The following CCDC91 variants were observed in gnomAD, a reference collection of about 807,000 sequenced individuals.
CCDC91 encodes the protein coiled-coil domain containing 91.
In CCDC91, 48 loss-of-function variants were observed where a neutral mutation model predicts 63.2. The ratio of observed to expected loss-of-function variants is 0.76; its 90% CI spans 0.60 to 0.97. The LOEUF (loss-of-function observed/expected upper bound fraction) is 0.97, where lower values mean the gene tolerates loss of function less well. Among genes scored for constraint, CCDC91 ranks in the 50% least tolerant of loss-of-function variants. The pLI, the probability that CCDC91 is intolerant of heterozygous loss-of-function variation, is 0.00. For synonymous variants in CCDC91, 167 were observed against 165.8 expected (o/e 1.01, Z -0.06); for missense variants, 500 against 494.6 (o/e 1.01, Z -0.10).
chr12:28,232,051 A>G (rs1335361918), intron 1 of CCDC91, among the ~76,000 whole-genome samples: 3 of 152,206 alleles, frequency 2.0e-5, no homozygotes. Context: ...ATACACTGCC[A>G]GGTACATTGA....
intron 8 of CCDC91, among the ~76,000 whole-genome samples, chr12:28,415,931 G>T (rs1456204138): frequency 6.6e-6 from 1 of 151,138 alleles, no homozygotes; most frequent in Non-Finnish European, 1.5e-5. Flanking sequence ...AAATGTAATT[G>T]TCAGGCTGTG....
At chr12:28,351,283 T>G (rs1238261757) in intron 6 of CCDC91, among the ~76,000 whole-genome samples, 2 of 152,166 alleles carry the variant, frequency 1.3e-5, no homozygotes, top group African/African-American at 4.8e-5. Context: ...AATACAATGG[T>G]GGTACAGGCA....
Position 28,487,008 on chromosome 12 carries a change from A to T in CCDC91, c.1215+2843A>T, listed in dbSNP as rs77111505. ...TCATCTTTACCACATTATTTACAGA[A>T]AGTAGAAATAACTAGCAGCATTATT... On this transcript the variant is annotated intron_variant, in intron 12 of 12. Coordinates refer to ENST00000536442, the MANE Select transcript of CCDC91 (RefSeq NM_018318.5). Among the ~76,000 whole-genome samples the T allele has an allele frequency of 2.0e-3, 303 of 152,130 alleles. 1 individual carries two copies. Among genetic ancestry groups the T allele is most frequent in the African/African-American group, 7.0e-3 (289 of 41,562 alleles).
Position 28,316,833 on chromosome 12 carries a change from T to C in CCDC91, c.576+9084T>C, listed in dbSNP as rs1025392845. Among the ~76,000 whole-genome samples the C allele has an allele frequency of 2.5e-4, 38 of 152,076 alleles. 1 individual carries two copies. The highest frequency in any genetic ancestry group is 8.7e-4 in the African/African-American group (36 of 41,522). On this transcript the variant is annotated intron_variant, in intron 6 of 12. Transcript: ENST00000536442. The stretch of plus-strand genomic sequence containing the variant: ...TCATTTACTTCTTCCACTTTTATCT[T>C]GACCCTCTCTTTCTTCTCTCTCTAT...
intron 12 of CCDC91, among the ~76,000 whole-genome samples, chr12:28,486,521 C>T (rs1406538772): frequency 2.0e-5 from 3 of 151,932 alleles, no homozygotes; most frequent in Non-Finnish European, 2.9e-5. Context: ...ACTAACATTT[C>T]TTTGGTTGAG....
chr12:28,361,780 T>C (rs1943904412), intron 6 of CCDC91, among the ~76,000 whole-genome samples: 1 of 151,594 alleles, frequency 6.6e-6, no homozygotes, highest in Non-Finnish European at 1.5e-5. Flanking sequence ...AACTCTTACA[T>C]ACATTTTAAA....
intron 1 of CCDC91, among the ~76,000 whole-genome samples, chr12:28,249,915 T>C (rs180934826): frequency 6.6e-6 from 1 of 152,194 alleles, no homozygotes; most frequent in East Asian, 1.9e-4. Flanking sequence ...GAATTTTGAG[T>C]TGATAGAGGG....
At chr12:28,518,385 A>G (rs944038760) in intron 12 of CCDC91, among the ~76,000 whole-genome samples, 11 of 151,654 alleles carry the variant, frequency 7.3e-5, no homozygotes, top group Admixed American at 1.3e-4. Context: ...ATCATTAGTG[A>G]TGTTGAGCAT....
In CCDC91 at chr12:28,452,530, G is replaced by T; in HGVS notation, c.977G>T (p.Arg326Ile). 1 of 1,585,960 alleles carries T rather than the reference G, an allele frequency of 6.3e-7. No homozygotes were observed. The highest frequency in any genetic ancestry group is 8.6e-7 in the Non-Finnish European group (1 of 1,166,840). The part of the protein sequence containing the change: ...DAVLKVVEEE[R>I]KNLEKAHAEE... ...GTTTTAAAAGTCGTAGAAGAAGAAA[G>T]AAAAAATTTAGAAAAAGCGCATGCT... The change falls in exon 11 of 13, where the codon AGA (arginine) becomes ATA (isoleucine). Residue 326 changes from arginine to isoleucine, a missense_variant. Transcript: ENST00000536442.
At chr12:28,411,014 G>A (rs1171390212) in intron 8 of CCDC91, among the ~76,000 whole-genome samples, 1 of 151,684 alleles carries the variant, frequency 6.6e-6, no homozygotes, top group East Asian at 1.9e-4. Flanking sequence ...TCATCTATAT[G>A]TCTTTGTTAT....
At chr12:28,400,631 C>T (rs1242682958) in intron 8 of CCDC91, among the ~76,000 whole-genome samples, 1 of 152,102 alleles carries the variant, frequency 6.6e-6, no homozygotes, top group Non-Finnish European at 1.5e-5. Flanking sequence ...GTTTCAATTC[C>T]AAACCATATC....
intron 8 of CCDC91, among the ~76,000 whole-genome samples, chr12:28,447,763 AAGGGAAGGGCAGGGCAGGGC>A (rs1949581710): frequency 5.8e-5 from 1 of 17,140 alleles, no homozygotes; most frequent in African/African-American, 2.7e-4. Context: ...GAGGGGAGGG[AAGGGAAGGGCAGGGCAGGGC>A]AGGGGAGGGG....
chr12:28,463,513 A>G (rs1416068674), intron 11 of CCDC91, among the ~76,000 whole-genome samples: 3 of 152,202 alleles, frequency 2.0e-5, no homozygotes, highest in African/African-American at 7.2e-5. Context: ...ACTCTTTAGA[A>G]GTTGCTGGAA....
chr12:28,383,973 A>G (rs970062782), intron 7 of CCDC91, among the ~76,000 whole-genome samples: 5 of 152,160 alleles, frequency 3.3e-5, no homozygotes, highest in Non-Finnish European at 7.4e-5. Context: ...AAACAAAGCT[A>G]TAGATTGAAG....
intron 12 of CCDC91, among the ~76,000 whole-genome samples, chr12:28,522,247 A>C (rs1565517134): frequency 6.6e-6 from 1 of 152,174 alleles, no homozygotes; most frequent in Non-Finnish European, 1.5e-5. Context: ...CCTCAATTTC[A>C]GAGCCTGTTA....
intron 8 of CCDC91, among the ~76,000 whole-genome samples, chr12:28,400,816 G>A (rs1341440668): frequency 6.6e-6 from 1 of 152,122 alleles, no homozygotes; most frequent in Non-Finnish European, 1.5e-5. Context: ...TAGCAAGAGT[G>A]ACCTTTGCCC....
At chr12:28,281,974 T>C (rs1948632647) in intron 3 of CCDC91, among the ~76,000 whole-genome samples, 1 of 152,138 alleles carries the variant, frequency 6.6e-6, no homozygotes, top group Non-Finnish European at 1.5e-5. Context: ...AACTGTTGAA[T>C]TGAAATATTG....
intron 8 of CCDC91, among the ~76,000 whole-genome samples, chr12:28,421,642 G>C (rs958198491): frequency 6.6e-6 from 1 of 151,172 alleles, no homozygotes; most frequent in Admixed American, 6.6e-5. Context: ...AATCCAGTTT[G>C]TCATTGATGG....
In CCDC91 at chr12:28,484,119, A is replaced by G; in HGVS notation, c.1169A>G (p.Lys390Arg). The G allele has an allele frequency of 6.2e-7, 1 of 1,611,478 alleles. No homozygotes were observed. Among genetic ancestry groups the G allele is most frequent in the Non-Finnish European group, 8.5e-7 (1 of 1,178,668 alleles). Residue 390 changes from lysine to arginine, a missense_variant, in exon 12 of 13, where the codon AAA becomes AGA. Transcript: ENST00000536442. ...GAAAAGGCTGTGGAAGAGGCAGTGA[A>G]AAGAACAAGAGATGAATTGATAGAG... ...RSEKAVEEAV[K>R]RTRDELIEYI...
Sources: allele counts gnomAD v4.1 joint callset (sites outside exome capture counted in the v4.1 genomes callset), GRCh38; gene constraint gnomAD v4.1.1; transcripts MANE v1.5; gene names NCBI Gene and HGNC (gene_info 2026-07-23, HGNC 2026-07-21).